Variants in GRID2 observed in about 807,000 individuals in gnomAD.
GRID2 encodes glutamate ionotropic receptor delta type subunit 2, also known as glutamate receptor ionotropic, delta-2.
In GRID2, 33 loss-of-function variants were observed where a neutral mutation model predicts 114.8. That is an observed-to-expected ratio of 0.29 (90% confidence interval 0.22 to 0.38). GRID2 has a LOEUF of 0.38. Ranked by LOEUF, GRID2 falls within the 10% of genes least tolerant of loss-of-function variation. GRID2 has a pLI of 1.00. For missense variants in GRID2, 1,184 were observed against 1,257.7 expected, an observed-to-expected ratio of 0.94 and a Z score of 0.89; for synonymous variants, 505 against 449.9, an observed-to-expected ratio of 1.12 and a Z score of -1.55.
chr4:92,563,641 C>G (rs1309488908), intron 1 of GRID2, among the ~76,000 whole-genome samples: 1 of 151,926 alleles, frequency 6.6e-6, no homozygotes, highest in Non-Finnish European at 1.5e-5. Context: ...TATTATAAGT[C>G]TCTTTCCTTA....
chr4:92,343,394 G>T (rs1287703084), intron 1 of GRID2, among the ~76,000 whole-genome samples: 2 of 151,778 alleles, frequency 1.3e-5, no homozygotes, highest in Non-Finnish European at 2.9e-5. Flanking sequence ...ATTAACCCTT[G>T]AACAATGTGG....
intron 1 of GRID2, among the ~76,000 whole-genome samples, chr4:92,484,967 C>T (rs116827915): frequency 2.0e-5 from 3 of 151,744 alleles, no homozygotes; most frequent in Non-Finnish European, 2.9e-5. Context: ...CTTCATGTAG[C>T]GATCTAATCA....
chr4:92,921,412 G>A (rs1386836157), intron 2 of GRID2, among the ~76,000 whole-genome samples: 2 of 152,162 alleles, frequency 1.3e-5, no homozygotes, highest in Non-Finnish European at 2.9e-5. Flanking sequence ...TCCTTTGAAG[G>A]AGGAGAGGCG....
At chr4:92,411,008 T>C (rs1224305081) in intron 1 of GRID2, among the ~76,000 whole-genome samples, 1 of 151,986 alleles carries the variant, frequency 6.6e-6, no homozygotes, top group African/African-American at 2.4e-5. Flanking sequence ...CAGCCACTGG[T>C]TTTCATCATG....
intron 4 of GRID2, among the ~76,000 whole-genome samples, chr4:93,125,103 T>C (rs1734148092): frequency 6.6e-6 from 1 of 152,050 alleles, no homozygotes; most frequent in African/African-American, 2.4e-5. Flanking sequence ...ATCTTTCACA[T>C]TGATATATCA....
At chr4:93,131,602 T>C (rs993564942) in intron 4 of GRID2, among the ~76,000 whole-genome samples, 19 of 101,716 alleles carry the variant, frequency 1.9e-4, no homozygotes, top group Admixed American at 1.2e-3. Context: ...AAATTAAAAA[T>C]TTTATTTAAA....
intron 14 of GRID2, among the ~76,000 whole-genome samples, chr4:93,739,599 C>A (rs1340193803): frequency 6.6e-6 from 1 of 152,112 alleles, no homozygotes; most frequent in Non-Finnish European, 1.5e-5. Flanking sequence ...ATATTAGGTA[C>A]TTTAAGGGAC....
chr4:93,290,872 C>CTTTTTTTTT (rs56735687), intron 8 of GRID2, among the ~76,000 whole-genome samples: 2 of 88,528 alleles, frequency 2.3e-5, no homozygotes, highest in Non-Finnish European at 4.1e-5. Flanking sequence ...ATACAAGTTA[C>CTTTTTTTTT]TTTTTTTTTT....
At chr4:92,337,961 T>C (rs1004118052) in intron 1 of GRID2, among the ~76,000 whole-genome samples, 3 of 152,148 alleles carry the variant, frequency 2.0e-5, no homozygotes, top group Non-Finnish European at 4.4e-5. Flanking sequence ...TGTGCATATG[T>C]GTGTGTCTGT....
chr4:93,533,245 TCTTCCTTCCTTC>T (rs755045834), intron 13 of GRID2, among the ~76,000 whole-genome samples: 9,954 of 105,548 alleles, frequency 0.094, 666 homozygotes, highest in African/African-American at 0.14. Context: ...TTTCTTTCTC[TCTTCCTTCCTTC>T]CTTCCTTCCT....
rs560591103 is a variant in GRID2 at position 92,716,651 on chromosome 4, T to G, written c.244+126365T>G. ...TTTTATGTACTGCTTCCCACAGCAC[T>G]GGGACCCTTCCATATTATTTGACAT... On this transcript the variant is annotated intron_variant, in intron 2 of 15. Coordinates refer to ENST00000282020, the MANE Select transcript of GRID2 (RefSeq NM_001510.4). Among the ~76,000 whole-genome samples the G allele has an allele frequency of 3.9e-5, 6 of 152,342 alleles. No individual in the cohort carries two copies. In the East Asian group the frequency reaches 1.2e-3, roughly 29 times the overall value.
intron 1 of GRID2, among the ~76,000 whole-genome samples, chr4:93,793,521 C>T (rs978217406): frequency 6.6e-6 from 1 of 152,078 alleles, no homozygotes; most frequent in Admixed American, 6.6e-5. Flanking sequence ...TCATATTTTC[C>T]AACTTGGTTC....
At chr4:92,441,036 C>G (rs1733032986) in intron 1 of GRID2, among the ~76,000 whole-genome samples, 1 of 151,938 alleles carries the variant, frequency 6.6e-6, no homozygotes, top group African/African-American at 2.4e-5. Flanking sequence ...AGTATTAAAG[C>G]AGCGGCAGCC....
At chr4:92,778,532 A>T (rs1403397773) in intron 2 of GRID2, among the ~76,000 whole-genome samples, 3 of 152,122 alleles carry the variant, frequency 2.0e-5, no homozygotes, top group Non-Finnish European at 4.4e-5. Flanking sequence ...CGGTTTTACG[A>T]CATTGTGACA....
At chr4:93,791,808 T>G (rs1734700408) in intron 1 of GRID2, among the ~76,000 whole-genome samples, 1 of 150,262 alleles carries the variant, frequency 6.7e-6, no homozygotes. Flanking sequence ...GTATCATTTG[T>G]TGAGAGTTTA....
chr4:93,717,084 AT>A lies in GRID2; in HGVS notation c.2361-52125del, dbSNP rs1422670794. Among the ~76,000 whole-genome samples, 9 of 152,274 alleles carry A rather than the reference AT, an allele frequency of 5.9e-5. No individual in the cohort carries two copies. In the East Asian group the frequency reaches 1.5e-3, roughly 26 times the overall value. On this transcript the variant is annotated intron_variant, in intron 14 of 15. Coordinates refer to ENST00000282020, the MANE Select transcript of GRID2 (RefSeq NM_001510.4). ...TAACTATTCAATAAGAGTCTTCTTTATAGCTCTGCTTTGCAGTCAGTTCTTT... is the reference window on the plus strand; with the variant it reads ...TAACTATTCAATAAGAGTCTTCTTTAAGCTCTGCTTTGCAGTCAGTTCTTT...
At chr4:93,431,875 G>A (rs1769447553) in intron 10 of GRID2, among the ~76,000 whole-genome samples, 1 of 152,138 alleles carries the variant, frequency 6.6e-6, no homozygotes, top group Admixed American at 6.5e-5. Flanking sequence ...CATCAAAAAT[G>A]ATTAAACTGA....
At chr4:92,581,651 A>T (rs1728190430) in intron 1 of GRID2, among the ~76,000 whole-genome samples, 1 of 152,128 alleles carries the variant, frequency 6.6e-6, no homozygotes, top group Admixed American at 6.6e-5. Flanking sequence ...CAAATGTCAC[A>T]TTCAAACATA....
intron 14 of GRID2, among the ~76,000 whole-genome samples, chr4:93,764,873 CAA>C (rs928768317): frequency 6.6e-6 from 1 of 152,096 alleles, no homozygotes; most frequent in Admixed American, 6.6e-5. Flanking sequence ...TCCATAAACT[CAA>C]AAGTTTTTCT....
Sources: allele counts gnomAD v4.1 joint callset (sites outside exome capture counted in the v4.1 genomes callset), GRCh38; gene constraint gnomAD v4.1.1; transcripts MANE v1.5; gene names NCBI Gene and HGNC (gene_info 2026-07-23, HGNC 2026-07-21).